The following SRGAP1 variants were observed in gnomAD, a reference collection of about 807,000 sequenced individuals.
SRGAP1 encodes the protein SLIT-ROBO Rho GTPase-activating protein 1.
SRGAP1 carries 43 observed loss-of-function variants against 121.9 expected under a neutral mutation model. The observed-to-expected ratio is 0.35, with a 90% CI of 0.28 to 0.46. The LOEUF (loss-of-function observed/expected upper bound fraction) is 0.46, where lower values mean the gene tolerates loss of function less well. SRGAP1 is among the 20% of genes least tolerant of loss of function. SRGAP1 has a pLI of 1.00. For missense variants in SRGAP1, 1,102 were observed against 1,350.9 expected, an observed-to-expected ratio of 0.82 and a Z score of 2.89; for synonymous variants, 447 against 485.4, an observed-to-expected ratio of 0.92 and a Z score of 1.04.
intron 21 of SRGAP1, among the ~76,000 whole-genome samples, chr12:64,141,653 T>C (rs774002119): frequency 6.6e-6 from 1 of 152,006 alleles, no homozygotes; most frequent in Non-Finnish European, 1.5e-5. Context: ...AATAGAATTC[T>C]ATATTAATAA....
chr12:63,961,298 G>T (rs2032634584), intron 1 of SRGAP1, among the ~76,000 whole-genome samples: 1 of 152,216 alleles, frequency 6.6e-6, no homozygotes, highest in South Asian at 2.1e-4. Context: ...CTTAGGACAG[G>T]AGTTGTGCCT....
chr12:63,903,370 A>G (rs534292654), intron 1 of SRGAP1, among the ~76,000 whole-genome samples: 13 of 151,728 alleles, frequency 8.6e-5, no homozygotes, highest in Non-Finnish European at 1.5e-4. Flanking sequence ...CTAATTTACA[A>G]TTTGCAAATT....
chr12:63,910,948 A>G (rs189052924), intron 1 of SRGAP1, among the ~76,000 whole-genome samples: 4 of 152,248 alleles, frequency 2.6e-5, no homozygotes, highest in Admixed American at 1.3e-4. Flanking sequence ...AATAGAGGAG[A>G]AAGGAATAGT....
intron 1 of SRGAP1, among the ~76,000 whole-genome samples, chr12:63,932,350 A>G (rs537239931): frequency 1.3e-5 from 2 of 152,330 alleles, no homozygotes; most frequent in East Asian, 3.9e-4. Flanking sequence ...CACATGAGCT[A>G]ATCTAACCAT....
intron 1 of SRGAP1, among the ~76,000 whole-genome samples, chr12:63,905,484 G>T (rs2030157069): frequency 6.6e-6 from 1 of 152,198 alleles, no homozygotes; most frequent in Admixed American, 6.5e-5. Context: ...GCATGTGCCA[G>T]AGCTTATGCA....
intron 12 of SRGAP1, among the ~76,000 whole-genome samples, chr12:64,094,283 C>G (rs147463229): frequency 9.4e-4 from 143 of 152,210 alleles, no homozygotes; most frequent in African/African-American, 3.2e-3. Flanking sequence ...AAGGCAGTGA[C>G]TGTTTTACAA....
chr12:63,980,969 A>G (rs963142825), intron 1 of SRGAP1, among the ~76,000 whole-genome samples: 12 of 151,882 alleles, frequency 7.9e-5, no homozygotes, highest in African/African-American at 2.9e-4. Flanking sequence ...TCCTTTCCTT[A>G]TTTGTCCTAA....
intron 12 of SRGAP1, among the ~76,000 whole-genome samples, chr12:64,093,042 C>T (rs1239039369): frequency 1.7e-4 from 26 of 152,124 alleles, no homozygotes; most frequent in Admixed American, 1.7e-3. Flanking sequence ...ATACAGAGGG[C>T]TCCTTTCCAC....
chr12:64,106,607 C>G (rs2036348724), intron 15 of SRGAP1, among the ~76,000 whole-genome samples: 1 of 152,166 alleles, frequency 6.6e-6, no homozygotes, highest in African/African-American at 2.4e-5. Flanking sequence ...TACTCTGGGA[C>G]ATGTCTTGAT....
chr12:64,055,012 G>A (rs968058880), intron 6 of SRGAP1, among the ~76,000 whole-genome samples: 2 of 151,336 alleles, frequency 1.3e-5, no homozygotes, highest in Non-Finnish European at 2.9e-5. Context: ...GGGCAATTAG[G>A]CAGGAGAAGG....
intron 8 of SRGAP1, among the ~76,000 whole-genome samples, chr12:64,076,398 C>T (rs2035738992): frequency 6.6e-6 from 1 of 151,998 alleles, no homozygotes; most frequent in Admixed American, 6.6e-5. Context: ...AAATCATAAG[C>T]ACTAAAATAA....
At chr12:63,969,174 A>G (rs2032866450) in intron 1 of SRGAP1, among the ~76,000 whole-genome samples, 1 of 152,188 alleles carries the variant, frequency 6.6e-6, no homozygotes, top group Admixed American at 6.5e-5. Context: ...AAACCTAACC[A>G]TGAAAATAAA....
chr12:64,000,239 G>GTGTGTGTGT (rs1555164000), intron 3 of SRGAP1, among the ~76,000 whole-genome samples: 1 of 131,526 alleles, frequency 7.6e-6, no homozygotes, highest in Non-Finnish European at 1.6e-5. Context: ...GAAAGGTAGG[G>GTGTGTGTGT]GTGTGTGTGT....
At chr12:63,985,412 C>T (rs907593855) in intron 2 of SRGAP1, among the ~76,000 whole-genome samples, 2 of 152,082 alleles carry the variant, frequency 1.3e-5, no homozygotes, top group African/African-American at 4.8e-5. Flanking sequence ...TGGGGATCTT[C>T]CTGGCCAGTT....
chr12:64,020,419 C>T (rs2034514162), intron 4 of SRGAP1, among the ~76,000 whole-genome samples: 1 of 152,074 alleles, frequency 6.6e-6, no homozygotes, highest in Admixed American at 6.6e-5. Flanking sequence ...AGACTTGCAG[C>T]TCCTTTTCTA....
chr12:64,031,822 G>A (rs1314604168), intron 4 of SRGAP1, among the ~76,000 whole-genome samples: 1 of 152,098 alleles, frequency 6.6e-6, no homozygotes, highest in Non-Finnish European at 1.5e-5. Flanking sequence ...TATAAAGTTA[G>A]ATTTGATTGT....
chr12:64,150,302 C>G lies in SRGAP1; in HGVS notation c.*7630C>G, dbSNP rs2037103707. ...GCTCTAGGATATTTGCGATCCAATTCTGGCGACTTATGGATGGATCCTTCA... is the reference window on the plus strand; with the variant it reads ...GCTCTAGGATATTTGCGATCCAATTGTGGCGACTTATGGATGGATCCTTCA... On this transcript the variant is annotated 3_prime_UTR_variant, in exon 22 of 22. Coordinates refer to ENST00000355086, the MANE Select transcript of SRGAP1 (RefSeq NM_020762.4). 1.3e-5 allele frequency: 2 copies of G among 152,200 alleles called. No individual in the cohort carries two copies. Among genetic ancestry groups the G allele is most frequent in the Non-Finnish European group, 2.9e-5 (2 of 68,044 alleles). 9.4% of individuals were successfully genotyped at this position (152,200 alleles called of 1,614,324 possible).
intron 1 of SRGAP1, among the ~76,000 whole-genome samples, chr12:63,943,644 G>A (rs2031942173): frequency 6.6e-6 from 1 of 152,100 alleles, no homozygotes; most frequent in South Asian, 2.1e-4. Flanking sequence ...AAAATGAAGA[G>A]GAGTAAGTTT....
chr12:63,873,667 A>ATTTATTT (rs1446999410), intron 1 of SRGAP1, among the ~76,000 whole-genome samples: 1 of 151,268 alleles, frequency 6.6e-6, no homozygotes, highest in Non-Finnish European at 1.5e-5. Flanking sequence ...ATTTTATTTT[A>ATTTATTT]TTTATTTATT....
Sources: allele counts gnomAD v4.1 joint callset (sites outside exome capture counted in the v4.1 genomes callset), GRCh38; gene constraint gnomAD v4.1.1; transcripts MANE v1.5; gene names NCBI Gene and HGNC (gene_info 2026-07-23, HGNC 2026-07-21).